SPTLC3: variants seen among roughly 807,000 people sequenced by gnomAD.
The protein encoded by SPTLC3 is serine palmitoyltransferase 3.
SPTLC3 carries 36 observed loss-of-function variants against 59.3 expected under a neutral mutation model. That is an observed-to-expected ratio of 0.61 (90% CI 0.47 to 0.80). SPTLC3 has a LOEUF of 0.80. Among genes scored for constraint, SPTLC3 ranks in the 30% least tolerant of loss-of-function variants. The pLI is 0.00. For synonymous variants in SPTLC3, 257 were observed against 240.8 expected, an observed-to-expected ratio of 1.07 and a Z score of -0.62; for missense variants, 625 against 685.1, an observed-to-expected ratio of 0.91 and a Z score of 0.98.
intron 1 of SPTLC3, among the ~76,000 whole-genome samples, chr20:13,030,060 T>C (rs1986357543): frequency 6.6e-6 from 1 of 152,214 alleles, no homozygotes; most frequent in Admixed American, 6.5e-5. Context: ...AAAGAAAAAC[T>C]GTGGTTTGTA....
chr20:13,084,352 T>C (rs1246279071), intron 4 of SPTLC3, among the ~76,000 whole-genome samples: 1 of 152,228 alleles, frequency 6.6e-6, no homozygotes, highest in African/African-American at 2.4e-5. Context: ...AACATACAGA[T>C]GCTTAGCATC....
At position 13,118,298 on chromosome 20, in the gene SPTLC3, C is replaced by A. The variant is rs117660648; in HGVS notation, c.1152+573C>A. On this transcript the variant is annotated intron_variant, in intron 8 of 11. Coordinates refer to ENST00000399002, the MANE Select transcript of SPTLC3 (RefSeq NM_018327.4). ...AGAAATATTCTCTGCAAAAAAAATT[C>A]TTTCCATAATGTTGCATACACCATA... 5.5e-3 allele frequency among the ~76,000 whole-genome samples: 842 copies of A among 151,972 alleles called. 2 individuals are homozygous for A. The highest frequency in any genetic ancestry group is 0.037 in the Middle Eastern group (11 of 294).
chr20:13,060,814 T>TTGTG (rs58161980), intron 2 of SPTLC3, among the ~76,000 whole-genome samples: 48,779 of 150,578 alleles, frequency 0.32, 9,076 homozygotes, highest in Middle Eastern at 0.47. Context: ...TGGTATTCCA[T>TTGTG]TGTGTGTGTG....
intron 9 of SPTLC3, among the ~76,000 whole-genome samples, chr20:13,143,321 A>G (rs1342923842): frequency 6.6e-6 from 1 of 152,230 alleles, no homozygotes; most frequent in African/African-American, 2.4e-5. Flanking sequence ...TGTGAACCAT[A>G]GAATTTTTCA....
intron 8 of SPTLC3, among the ~76,000 whole-genome samples, chr20:13,119,237 A>C (rs1429434268): frequency 1.3e-5 from 2 of 152,238 alleles, no homozygotes; most frequent in Non-Finnish European, 2.9e-5. Context: ...TTCCTGAACC[A>C]AAGGCACCTG....
intron 9 of SPTLC3, among the ~76,000 whole-genome samples, chr20:13,131,597 C>G (rs2038121162): frequency 6.6e-6 from 1 of 152,164 alleles, no homozygotes; most frequent in African/African-American, 2.4e-5. Flanking sequence ...CTCACATCTT[C>G]CTACTCTATT....
At chr20:13,131,326 T>C (rs1324737420) in intron 9 of SPTLC3, among the ~76,000 whole-genome samples, 3 of 152,206 alleles carry the variant, frequency 2.0e-5, no homozygotes, top group Non-Finnish European at 4.4e-5. Flanking sequence ...CACAGTGTGC[T>C]CTGCAGTGGT....
At chr20:13,129,100 C>T (rs899443670) in intron 9 of SPTLC3, among the ~76,000 whole-genome samples, 6 of 151,960 alleles carry the variant, frequency 3.9e-5, no homozygotes, top group African/African-American at 9.7e-5. Context: ...CTCCTGACCT[C>T]GGGTGATCTG....
intron 7 of SPTLC3, 125 bp downstream of exon 7, chr20:13,110,342 C>A: frequency 1.3e-6 from 1 of 754,276 alleles, no homozygotes; most frequent in East Asian, 2.9e-5. Context: ...ACACAGGGAC[C>A]TGAGACAGAG....
chr20:13,027,194 C>T (rs929411456), intron 1 of SPTLC3, among the ~76,000 whole-genome samples: 1 of 152,182 alleles, frequency 6.6e-6, no homozygotes, highest in Non-Finnish European at 1.5e-5. Context: ...TACAGGTTTG[C>T]TTCTGGAGAA....
chr20:13,091,584 A>G (rs898594661), intron 5 of SPTLC3, among the ~76,000 whole-genome samples: 2 of 124,380 alleles, frequency 1.6e-5, no homozygotes, highest in African/African-American at 2.8e-5. Context: ...AAAAAAAAAA[A>G]GAAAAAAAGA....
chr20:13,028,242 T>A (rs190740415), intron 1 of SPTLC3, among the ~76,000 whole-genome samples: 56 of 152,308 alleles, frequency 3.7e-4, no homozygotes, highest in African/African-American at 1.3e-3. Flanking sequence ...TTATATGATT[T>A]TTTTTAAGAT....
chr20:13,168,702 C>T lies in SPTLC3; in HGVS notation c.*3835C>T, dbSNP rs2039014762. Reference sequence around the variant, plus strand: ...AGTTCCGATGATGATGAAACATTAACTCTTAAATATACATTTTGATTTATA... The same window carrying T: ...AGTTCCGATGATGATGAAACATTAATTCTTAAATATACATTTTGATTTATA... On this transcript the variant is annotated 3_prime_UTR_variant, in exon 12 of 12. Coordinates refer to ENST00000399002, the MANE Select transcript of SPTLC3 (RefSeq NM_018327.4). The T allele has an allele frequency of 6.6e-6, 1 of 152,136 alleles. No homozygotes were observed. Among genetic ancestry groups the T allele is most frequent in the Non-Finnish European group, 1.5e-5 (1 of 68,020 alleles). 9.4% of individuals were successfully genotyped at this position (152,136 alleles called of 1,614,324 possible). A position where few individuals can be genotyped will look rare whatever the true frequency, so the allele number is the denominator to read the frequency against.
intron 9 of SPTLC3, among the ~76,000 whole-genome samples, chr20:13,135,726 A>T (rs2038226138): frequency 6.6e-6 from 1 of 152,256 alleles, no homozygotes; most frequent in African/African-American, 2.4e-5. Flanking sequence ...GAACGATTCT[A>T]GCTATATGAA....
At chr20:13,043,882 T>C (rs1987104362) in intron 1 of SPTLC3, among the ~76,000 whole-genome samples, 1 of 152,064 alleles carries the variant, frequency 6.6e-6, no homozygotes, top group African/African-American at 2.4e-5. Flanking sequence ...TCTGATAAAA[T>C]TGCAGGGATA....
At chr20:13,120,985 C>T (rs148654536) in intron 8 of SPTLC3, among the ~76,000 whole-genome samples, 264 of 152,350 alleles carry the variant, frequency 1.7e-3, no homozygotes, top group African/African-American at 6.1e-3. Context: ...TACTTCTCTC[C>T]ACCTGTCAGA....
intron 9 of SPTLC3, among the ~76,000 whole-genome samples, chr20:13,131,332 G>C (rs923295696): frequency 6.6e-6 from 1 of 152,160 alleles, no homozygotes; most frequent in Non-Finnish European, 1.5e-5. Context: ...GTGCTCTGCA[G>C]TGGTGCCCGG....
At position 13,047,332 on chromosome 20, in the gene SPTLC3, G is replaced by A. The variant is rs6109670; in HGVS notation, c.118-1613G>A. ...TACAATGACAAAGACTAGGAGAATCGTCAAAACAGTATTTCAAATGTACAC... is the reference window on the plus strand; with the variant it reads ...TACAATGACAAAGACTAGGAGAATCATCAAAACAGTATTTCAAATGTACAC... On this transcript the variant is annotated intron_variant, in intron 1 of 11. Transcript: ENST00000399002. Among the ~76,000 whole-genome samples, 1,163 of 152,062 alleles carry A rather than the reference G, an allele frequency of 7.6e-3. 15 individuals carry two copies. Among genetic ancestry groups the A allele is most frequent in the African/African-American group, 0.026 (1,097 of 41,478 alleles).
intron 2 of SPTLC3, among the ~76,000 whole-genome samples, chr20:13,065,682 T>A (rs1245277051): frequency 7.4e-6 from 1 of 135,546 alleles, no homozygotes; most frequent in Non-Finnish European, 1.6e-5. Flanking sequence ...TCTTCTTTTA[T>A]TTTTATTTTT....
Sources: allele counts gnomAD v4.1 joint callset (sites outside exome capture counted in the v4.1 genomes callset), GRCh38; gene constraint gnomAD v4.1.1; transcripts MANE v1.5; gene names NCBI Gene and HGNC (gene_info 2026-07-23, HGNC 2026-07-21).